The following CROCC2 variants were observed in gnomAD, a reference collection of about 807,000 sequenced individuals.
CROCC2 encodes ciliary rootlet coiled-coil protein 2.
Under a neutral mutation model 177.6 loss-of-function variants are expected in CROCC2, and 163 were observed. The ratio of observed to expected loss-of-function variants is 0.92; its 90% CI spans 0.81 to 1.05. The LOEUF is 1.05. Ranked by LOEUF, CROCC2 falls within the 50% of genes least tolerant of loss-of-function variation. The pLI is 0.00. For missense variants in CROCC2, 1,929 were observed against 1,797.8 expected (o/e 1.07, Z -1.32); for synonymous variants, 904 against 787.3 (o/e 1.15, Z -2.48).
At chr2:240,968,896 G>A (rs1574787928) in intron 27 of CROCC2, among the ~76,000 whole-genome samples, 1 of 152,116 alleles carries the variant, frequency 6.6e-6, no homozygotes, top group Non-Finnish European at 1.5e-5. Context: ...CTGGTGGGGA[G>A]CCCCAGGCCC....
At chr2:240,950,547 A>T (rs1050642406) in intron 18 of CROCC2, 37 bp downstream of exon 18, 2 of 1,523,142 alleles carry the variant, frequency 1.3e-6, no homozygotes, top group African/African-American at 1.4e-5. Context: ...GATTGCTCAC[A>T]CCCACTGCAC....
At chr2:240,936,269 G>A (rs574128774) in intron 14 of CROCC2, among the ~76,000 whole-genome samples, 5 of 152,256 alleles carry the variant, frequency 3.3e-5, no homozygotes, top group African/African-American at 9.6e-5. Context: ...CCAGGTAGCC[G>A]CCACCAGGAT....
chr2:240,923,066 C>G (rs1183650668), intron 4 of CROCC2, among the ~76,000 whole-genome samples: 4 of 152,072 alleles, frequency 2.6e-5, no homozygotes, highest in Non-Finnish European at 4.4e-5. Flanking sequence ...TATCAGACCC[C>G]TCCCCCGCTC....
rs1438447285 is a variant in CROCC2 at position 240,949,775 on chromosome 2, A to T, written c.2652+73A>T. The T allele has an allele frequency of 7.0e-7, 1 of 1,431,058 alleles. No individual in the cohort carries two copies. The highest frequency in any genetic ancestry group is 1.4e-5 in the African/African-American group (1 of 69,450). The allele number at this position is 1,431,058 out of a possible 1,614,324, so 88.6% of individuals were successfully genotyped here. ...TCCCGGGGAATGGCAGGCCCTTGGG[A>T]GGAGGGGGCCCTGGGAGACAGAGCT... On this transcript the variant is annotated intron_variant, in intron 17 of 31. Transcript: ENST00000690015. The surrounding 1 kb of genome is among the most constrained non-coding windows in gnomAD (Gnocchi z 4.5).
chr2:240,955,544 G>A (rs2059585286), intron 18 of CROCC2: 1 of 304,110 alleles, frequency 3.3e-6, no homozygotes, highest in Admixed American at 4.4e-5. Flanking sequence ...AACTGCATGG[G>A]AAAGGGCAGG....
Position 240,960,273 on chromosome 2 carries a change from G to A in CROCC2, c.3087+829G>A, listed in dbSNP as rs1401974224. On this transcript the variant is annotated intron_variant, in intron 20 of 31. Coordinates refer to ENST00000690015, the MANE Select transcript of CROCC2 (RefSeq NM_001351305.2). This position sits in a 1 kb window ranked among gnomAD's most constrained non-coding sequence, Gnocchi z 5.0. ...TGGGCTGGACACTAAGGTCGGGGGA[G>A]GCTGGATTTGGGGCAGCAGGCAAGA... is the stretch of plus-strand genomic sequence containing the variant. Among the ~76,000 whole-genome samples the A allele has an allele frequency of 6.6e-6, 1 of 152,366 alleles. No homozygotes were observed. Among genetic ancestry groups the A allele is most frequent in the East Asian group, 1.9e-4 (1 of 5,174 alleles).
chr2:240,992,054 C>A (rs1255656113), intron 31 of CROCC2, among the ~76,000 whole-genome samples: 1 of 152,202 alleles, frequency 6.6e-6, no homozygotes, highest in Non-Finnish European at 1.5e-5. Flanking sequence ...ATGTTCCCGG[C>A]CTGGAAATGC....
At chr2:240,966,947 A>C (rs1574786038) in intron 25 of CROCC2, among the ~76,000 whole-genome samples, 1 of 148,918 alleles carries the variant, frequency 6.7e-6, no homozygotes. Flanking sequence ...CTTCGGGCCC[A>C]CCCTCCCACC....
chr2:240,945,381 C>T (rs1223003882), intron 14 of CROCC2, among the ~76,000 whole-genome samples: 1 of 152,200 alleles, frequency 6.6e-6, no homozygotes, highest in Non-Finnish European at 1.5e-5. Flanking sequence ...TCAAGCCCTG[C>T]TGTGAATACA....
At chr2:240,935,186 G>A (rs1159202530) in intron 13 of CROCC2, 124 bp downstream of exon 13, 3 of 1,251,646 alleles carry the variant, frequency 2.4e-6, no homozygotes, top group Non-Finnish European at 3.1e-6. Context: ...TGAGGTTTTG[G>A]GGACAAGGGA....
At chr2:240,920,575 C>A (rs374124635) in intron 3 of CROCC2, among the ~76,000 whole-genome samples, 4 of 152,200 alleles carry the variant, frequency 2.6e-5, no homozygotes, top group African/African-American at 9.7e-5. Context: ...AGATGGAGCT[C>A]GCAGAGAAAT....
chr2:240,991,757 G>A (rs527786703), intron 31 of CROCC2, among the ~76,000 whole-genome samples: 4 of 152,332 alleles, frequency 2.6e-5, no homozygotes, highest in African/African-American at 7.2e-5. Flanking sequence ...CCAGACCCCC[G>A]GGGCCAGGCC....
In CROCC2 at chr2:240,958,217, C is replaced by T. The variant is rs888640433; in HGVS notation, c.2944-1084C>T. 2.0e-6 allele frequency: 2 copies of T among 982,800 alleles called. No homozygotes were observed. The highest frequency in any genetic ancestry group is 3.5e-5 in the African/African-American group (2 of 57,182). The allele number at this position is 982,800 out of a possible 1,614,324, so 60.9% of individuals were successfully genotyped here. A position where few individuals can be genotyped will look rare whatever the true frequency, so the allele number is the denominator to read the frequency against. On this transcript the variant is annotated intron_variant, in intron 19 of 31. Coordinates refer to ENST00000690015, the MANE Select transcript of CROCC2 (RefSeq NM_001351305.2). This position sits in a 1 kb window ranked among gnomAD's most constrained non-coding sequence, Gnocchi z 6.7. ...CCCTAGGCTGAGTCACCACTGCCAT[C>T]GGGCTCCCAGCCGATGCCCTGTCCC...
chr2:240,987,267 GA>G (rs929549076), intron 28 of CROCC2, among the ~76,000 whole-genome samples: 2 of 152,194 alleles, frequency 1.3e-5, no homozygotes, highest in African/African-American at 4.8e-5. Context: ...TGAGGAGGGG[GA>G]GGGAAGGAAC....
At chr2:240,930,667 C>T (rs180824354) in intron 6 of CROCC2, among the ~76,000 whole-genome samples, 1 of 152,230 alleles carries the variant, frequency 6.6e-6, no homozygotes, top group Admixed American at 6.5e-5. Context: ...CAGCCCCTTG[C>T]GCAGGAGGAG....
At position 240,918,370 on chromosome 2, in the gene CROCC2, C is replaced by T. The variant is rs1217308775; in HGVS notation, c.79-356C>T. Among the ~76,000 whole-genome samples the T allele has an allele frequency of 6.6e-6, 1 of 152,232 alleles. No individual in the cohort carries two copies. The highest frequency in any genetic ancestry group is 1.5e-5 in the Non-Finnish European group (1 of 68,050). On this transcript the variant is annotated intron_variant, in intron 1 of 31. Coordinates refer to ENST00000690015, the MANE Select transcript of CROCC2 (RefSeq NM_001351305.2). This position sits in a 1 kb window ranked among gnomAD's most constrained non-coding sequence, Gnocchi z 6.3. ...CGAGGATGTTGGGTTTCTTGTGGAG[C>T]AGAGGCAAAGGAACCTGCCTGTCAG...
rs756364832 is a variant in CROCC2 at position 240,925,854 on chromosome 2, G to C, written c.619G>C (p.Glu207Gln). 4.2e-6 allele frequency: 3 copies of C among 714,618 alleles called. No homozygotes were observed. In the South Asian group the frequency reaches 4.5e-5, roughly 11 times the overall value. The allele number at this position is 714,618 out of a possible 1,614,324, so 44.3% of individuals were successfully genotyped here. Reference sequence around the variant, plus strand: ...CGTGCAGCGCCTGCAGGGCGAGCTGGAGCTGAGGCGCTGGGCCCAGAGACA... The same window carrying C: ...CGTGCAGCGCCTGCAGGGCGAGCTGCAGCTGAGGCGCTGGGCCCAGAGACA... Reference protein sequence around the residue: ...GSVQRLQGELELRRWAQRQTR... With the variant: ...GSVQRLQGELQLRRWAQRQTR... The change falls in exon 5 of 32, where the codon GAG (glutamate) becomes CAG (glutamine). Residue 207 changes from glutamate to glutamine, a missense_variant. Physicochemically the swap from Glu to Gln is conservative, Grantham distance 29. Transcript: ENST00000690015.
intron 26 of CROCC2, 37 bp downstream of exon 26, chr2:240,967,502 T>C (rs1376483517): frequency 1.3e-6 from 2 of 1,528,612 alleles, no homozygotes; most frequent in African/African-American, 1.4e-5. Flanking sequence ...ACCCTGGGAG[T>C]GGCTGTGAGA....
chr2:240,932,677 A>G (rs1229081833), intron 8 of CROCC2, 25 bp from the exon 9 acceptor site: 6 of 725,182 alleles, frequency 8.3e-6, no homozygotes, highest in African/African-American at 5.2e-5. Context: ...GGGCCCCTCT[A>G]TCCCTTCCTC....
Sources: gnomAD v4.1 joint callset for allele counts (sites outside exome capture counted in the v4.1 genomes callset) on GRCh38, gnomAD v4.1.1 for gene constraint, Gnocchi (gnomAD v3.1) non-coding constraint, MANE v1.5 for transcripts, NCBI Gene and HGNC (gene_info 2026-07-23, HGNC 2026-07-21) for gene names.